The following RALGAPA2 variants were observed in gnomAD, a reference collection of about 807,000 sequenced individuals.
The protein encoded by RALGAPA2 is Ral GTPase activating protein catalytic subunit alpha 2, also known as ral GTPase-activating protein subunit alpha-2.
Under a neutral mutation model 230.4 loss-of-function variants are expected in RALGAPA2, and 139 were observed. That is an observed-to-expected ratio of 0.60 (90% CI 0.53 to 0.69). The LOEUF (loss-of-function observed/expected upper bound fraction) is 0.69. Ranked by LOEUF, RALGAPA2 falls within the 30% of genes least tolerant of loss-of-function variation. RALGAPA2 has a pLI of 0.00. For missense variants in RALGAPA2, 2,163 were observed against 2,276.0 expected, an observed-to-expected ratio of 0.95 and a Z score of 1.01; for synonymous variants, 847 against 837.8, an observed-to-expected ratio of 1.01 and a Z score of -0.19.
At chr20:20,688,600 C>T (rs1012808834) in intron 1 of RALGAPA2, among the ~76,000 whole-genome samples, 1 of 152,164 alleles carries the variant, frequency 6.6e-6, no homozygotes, top group Non-Finnish European at 1.5e-5. Context: ...GGACACCTTG[C>T]CCAGCTCCTC....
In RALGAPA2 at chr20:20,620,507, C is replaced by T; in HGVS notation, c.1357G>A (p.Glu453Lys). 1 of 1,613,960 alleles carries T rather than the reference C, an allele frequency of 6.2e-7. No homozygotes were observed. Among genetic ancestry groups the T allele is most frequent in the Non-Finnish European group, 8.5e-7 (1 of 1,179,832 alleles). Residue 453 changes from glutamate to lysine, a missense_variant, in exon 11 of 40, where the codon GAA (glutamate) becomes AAA (lysine). Coordinates refer to ENST00000202677, the MANE Select transcript of RALGAPA2 (RefSeq NM_020343.4). ...GAAAATCCTAATTTTTCAGCATCTT[C>T]TTGGGCAACATCTTTTCTATCTGGC... ...EEPDRKDVAQEDAEKLGFSET... is the reference protein window; with the variant it reads ...EEPDRKDVAQKDAEKLGFSET...
chr20:20,455,401 A>G (rs1192978472), intron 37 of RALGAPA2, among the ~76,000 whole-genome samples: 2 of 152,210 alleles, frequency 1.3e-5, no homozygotes, highest in Non-Finnish European at 2.9e-5. Flanking sequence ...GAAACACTAA[A>G]GAGCTGGGGG....
rs533457701 is a variant in RALGAPA2, at chr20:20,464,236, C to T, written c.5495+8593G>A. On this transcript the variant is annotated intron_variant, in intron 37 of 39. Transcript: ENST00000202677. ...CAAATGCAGCTGTAACCAGAGTTTG[C>T]GGACTTTCCAACAAGTGACTTCAGC... 2.6e-5 allele frequency among the ~76,000 whole-genome samples: 4 copies of T among 152,182 alleles called. No individual in the cohort carries two copies. The South Asian group carries it at 6.2e-4, about 24-fold the overall frequency.
intron 1 of RALGAPA2, among the ~76,000 whole-genome samples, chr20:20,691,893 T>A (rs1200260170): frequency 1.3e-5 from 2 of 152,154 alleles, no homozygotes; most frequent in Non-Finnish European, 2.9e-5. Flanking sequence ...ATATGGATCA[T>A]GGGGGTGGAT....
chr20:20,567,567 G>C (rs1026473590), intron 23 of RALGAPA2, among the ~76,000 whole-genome samples: 4 of 152,192 alleles, frequency 2.6e-5, no homozygotes, highest in Non-Finnish European at 5.9e-5. Context: ...CAATACGCTT[G>C]CTGTGAATCA....
At chr20:20,443,261 A>C (rs566731823) in intron 37 of RALGAPA2, among the ~76,000 whole-genome samples, 1 of 152,360 alleles carries the variant, frequency 6.6e-6, no homozygotes, top group East Asian at 1.9e-4. Context: ...AGGGGACTGC[A>C]TTCATTTCCT....
At chr20:20,547,571 G>C (rs1430480564) in intron 23 of RALGAPA2, among the ~76,000 whole-genome samples, 1 of 152,238 alleles carries the variant, frequency 6.6e-6, no homozygotes, top group East Asian at 1.9e-4. Flanking sequence ...TGGCAGATCA[G>C]GGGTCCACCA....
At position 20,571,623 on chromosome 20, in the gene RALGAPA2, A is replaced by G; in HGVS notation, c.3001-10T>C. 2 of 1,605,850 alleles carry G rather than the reference A, an allele frequency of 1.2e-6. No homozygotes were observed. Among genetic ancestry groups the G allele is most frequent in the Middle Eastern group, 1.7e-4 (1 of 6,046 alleles). On this transcript the variant is annotated splice_polypyrimidine_tract_variant and intron_variant, in intron 22 of 39. Transcript: ENST00000202677. ...TTGGCAGTGTCGCCGCCTGTCAAGG[A>G]GATGATGTTTCCAGATTAAATCAAG...
chr20:20,413,087 T>C (rs2060094842), intron 37 of RALGAPA2, among the ~76,000 whole-genome samples: 1 of 152,202 alleles, frequency 6.6e-6, no homozygotes, highest in African/African-American at 2.4e-5. Context: ...CCCTTCCTCA[T>C]TATCAATGCA....
At chr20:20,605,024 TATGAGACACAA>T (rs2065775627) in intron 15 of RALGAPA2, 140 bp downstream of exon 15, 9 of 655,652 alleles carry the variant, frequency 1.4e-5, no homozygotes, top group Non-Finnish European at 1.9e-5. Context: ...AACAGAATGA[TATGAGACACAA>T]ATTAATGCCA....
intron 23 of RALGAPA2, among the ~76,000 whole-genome samples, chr20:20,568,760 C>T (rs2064530451): frequency 6.6e-6 from 1 of 152,170 alleles, no homozygotes; most frequent in African/African-American, 2.4e-5. Context: ...GGCCCATGAA[C>T]CACAAAGCTG....
At chr20:20,690,932 C>A (rs2068880917) in intron 1 of RALGAPA2, among the ~76,000 whole-genome samples, 1 of 152,170 alleles carries the variant, frequency 6.6e-6, no homozygotes, top group Admixed American at 6.5e-5. Context: ...ATTCCAGGGC[C>A]CGACTGTCTT....
At chr20:20,680,248 T>C (rs1470934617) in intron 2 of RALGAPA2, among the ~76,000 whole-genome samples, 1 of 152,224 alleles carries the variant, frequency 6.6e-6, no homozygotes, top group African/African-American at 2.4e-5. Context: ...TTTCAAAGAA[T>C]ATAGTCACAA....
At chr20:20,605,562 C>A in intron 14 of RALGAPA2, 150 bp from the exon 15 acceptor site, 1 of 679,500 alleles carries the variant, frequency 1.5e-6, no homozygotes, top group Non-Finnish European at 2.4e-6. Context: ...TCTCAAAATT[C>A]ATTTGACCAA....
Position 20,591,269 on chromosome 20 carries a change from G to T in RALGAPA2, c.2249C>A (p.Ser750Tyr). ...CTGCTGTCCCACTGTGAGATGGCCA[G>T]ATCCGGCTGCAGGTGCATTTTCTGA... ...QQSENAPAAG[S>Y]GHLTVGQQQQ... Residue 750 changes from serine to tyrosine, a missense_variant, in exon 17 of 40, where the codon TCT (serine) becomes TAT (tyrosine). By Grantham distance (144) the Ser-to-Tyr change is moderately radical. Transcript: ENST00000202677. The T allele has an allele frequency of 6.2e-7, 1 of 1,613,900 alleles. No individual in the cohort carries two copies. The highest frequency in any genetic ancestry group is 8.5e-7 in the Non-Finnish European group (1 of 1,179,840).
intron 24 of RALGAPA2, among the ~76,000 whole-genome samples, chr20:20,543,220 T>C (rs578138397): frequency 6.6e-6 from 1 of 152,124 alleles, no homozygotes; most frequent in Non-Finnish European, 1.5e-5. Context: ...AGTTTTTTTT[T>C]ATTTTTATTA....
intron 28 of RALGAPA2, among the ~76,000 whole-genome samples, chr20:20,525,131 G>A (rs945836094): frequency 3.3e-5 from 5 of 152,078 alleles, no homozygotes; most frequent in Non-Finnish European, 5.9e-5. Context: ...TAGGAGGGAA[G>A]GCAGAGAAAA....
chr20:20,648,458 A>G (rs1164803918), intron 4 of RALGAPA2, among the ~76,000 whole-genome samples: 1 of 152,176 alleles, frequency 6.6e-6, no homozygotes, highest in Non-Finnish European at 1.5e-5. Context: ...ATGTATACCT[A>G]TGTCAAAACT....
intron 37 of RALGAPA2, 47 bp downstream of exon 37, chr20:20,472,782 T>G (rs770560863): frequency 1.3e-6 from 2 of 1,563,146 alleles, no homozygotes; most frequent in African/African-American, 2.7e-5. Flanking sequence ...CCAGGAATCT[T>G]GATTCTGGGA....
Sources: allele counts gnomAD v4.1 joint callset (sites outside exome capture counted in the v4.1 genomes callset), GRCh38; gene constraint gnomAD v4.1.1; transcripts MANE v1.5; gene names NCBI Gene and HGNC (gene_info 2026-07-23, HGNC 2026-07-21).